The following SETX variants were observed in gnomAD, a reference collection of about 807,000 sequenced individuals.
SETX encodes the protein helicase senataxin.
A neutral mutation model predicts 227.2 loss-of-function variants in SETX; 90 were observed. The observed-to-expected ratio is 0.40, with a 90% CI of 0.33 to 0.47. The LOEUF (loss-of-function observed/expected upper bound fraction) is 0.47. Ranked by LOEUF, SETX falls within the 20% of genes least tolerant of loss-of-function variation. The probability of loss-of-function intolerance (pLI) is 0.91; values close to 1 mark genes in which losing one functional copy is unlikely to be tolerated. For missense variants in SETX, 3,052 were observed against 3,181.5 expected (o/e 0.96, Z 0.98); for synonymous variants, 1,210 against 1,113.2 (o/e 1.09, Z -1.73).
intron 10 of SETX, among the ~76,000 whole-genome samples, chr9:132,323,615 AG>A (rs1368049114): frequency 6.6e-6 from 1 of 152,204 alleles, no homozygotes; most frequent in Non-Finnish European, 1.5e-5. Context: ...GAAATATGGA[AG>A]GAAGGCCAGG....
At position 132,346,253 on chromosome 9, in the gene SETX, A is replaced by C. The variant is rs781259674; in HGVS notation, c.388+8T>G. ...TGATATAACTTGAGGAACCATCAAG[A>C]TACTCACTAACACGTTCATGTAGAA... On this transcript the variant is annotated splice_region_variant and intron_variant, in intron 4 of 25. Transcript: ENST00000224140. 4 of 1,598,444 alleles carry C rather than the reference A, an allele frequency of 2.5e-6. No homozygotes were observed. The highest frequency in any genetic ancestry group is 3.4e-6 in the Non-Finnish European group (4 of 1,165,944).
intron 10 of SETX, among the ~76,000 whole-genome samples, chr9:132,312,589 T>C (rs1048248170): frequency 2.6e-5 from 4 of 152,238 alleles, no homozygotes; most frequent in African/African-American, 4.8e-5. Flanking sequence ...TCAAAGACTA[T>C]TGGTGTTGAA....
intron 11 of SETX, among the ~76,000 whole-genome samples, chr9:132,306,703 T>TTTAA: frequency 6.6e-6 from 1 of 152,230 alleles, no homozygotes; most frequent in Middle Eastern, 3.4e-3. Context: ...GTTCTATCAG[T>TTTAA]TTTATTTATT....
intron 8 of SETX, 58 bp downstream of exon 8, chr9:132,331,219 G>C: frequency 6.2e-7 from 1 of 1,608,468 alleles, no homozygotes. Flanking sequence ...AAGTAATCTA[G>C]CTGGAACACA....
chr9:132,300,045 G>C (rs528197524), intron 12 of SETX, among the ~76,000 whole-genome samples: 4 of 144,818 alleles, frequency 2.8e-5, no homozygotes, highest in Non-Finnish European at 4.5e-5. Flanking sequence ...CAGGAGAATC[G>C]CTTGAACCCA....
At position 132,323,357 on chromosome 9, in the gene SETX, A is replaced by G. The variant is rs1214164091; in HGVS notation, c.5274+2967T>C. ...CATATAAAACAATAAATCCAAGGAA[A>G]ACACAGAGTTTGGAAGGAAATGGAA... On this transcript the variant is annotated intron_variant, in intron 10 of 25. Transcript: ENST00000224140. Among the ~76,000 whole-genome samples, 3 of 152,262 alleles carry G rather than the reference A, an allele frequency of 2.0e-5. No individual in the cohort carries two copies. In the East Asian group the frequency reaches 5.8e-4, roughly 29 times the overall value.
intron 5 of SETX, among the ~76,000 whole-genome samples, 177 bp from the exon 6 acceptor site, chr9:132,336,692 T>C (rs954684705): frequency 6.6e-6 from 1 of 152,160 alleles, no homozygotes; most frequent in Admixed American, 6.5e-5. Context: ...TAATAAACAG[T>C]TTTAGACAAT....
In SETX at chr9:132,328,543, A is replaced by C. The variant is rs1219205322; in HGVS notation, c.3055T>G (p.Ser1019Ala). ...ATTCTTTCATCATCATCATCATCAG[A>C]ATCTGAAATAATAATAACCTGTCCA... Reference protein sequence around the residue: ...SRGQVIIISDSDDDDDERILS... With the variant: ...SRGQVIIISDADDDDDERILS... The change falls in exon 10 of 26, where the codon TCT becomes GCT. Residue 1019 changes from serine to alanine, a missense_variant. This residue lies in a region of SETX where 1,483 missense variants were observed against 1,312.0 expected (regional missense o/e 1.13). Coordinates refer to ENST00000224140, the MANE Select transcript of SETX (RefSeq NM_015046.7). 9.9e-6 allele frequency: 16 copies of C among 1,613,922 alleles called. No individual in the cohort carries two copies. The highest frequency in any genetic ancestry group is 1.4e-5 in the Non-Finnish European group (16 of 1,179,964).
chr9:132,309,043 C>T (rs992685483), intron 11 of SETX, among the ~76,000 whole-genome samples: 3 of 152,090 alleles, frequency 2.0e-5, no homozygotes, highest in African/African-American at 4.8e-5. Context: ...GAGGTTGAGG[C>T]AGGAGAATTG....
At chr9:132,268,042 A>G (rs1268987313) in intron 25 of SETX, among the ~76,000 whole-genome samples, 2 of 152,252 alleles carry the variant, frequency 1.3e-5, no homozygotes, top group African/African-American at 2.4e-5. Context: ...GATATTAAAT[A>G]TATTTGTCTT....
chr9:132,275,447 A>C lies in SETX; in HGVS notation c.6936-27T>G, dbSNP rs2296866. The C allele has an allele frequency of 0.029, 45,535 of 1,576,564 alleles. 1,480 individuals carry two copies. The highest frequency in any genetic ancestry group is 0.19 in the East Asian group (8,368 of 44,494). ...TAAACAAGATGGAAAAAGAAAACAC[A>C]GTGTTATCAAAACTAATAGCAGGCT... On this transcript the variant is annotated intron_variant, in intron 22 of 25. Transcript: ENST00000224140.
chr9:132,325,501 A>G (rs1474801405), intron 10 of SETX, among the ~76,000 whole-genome samples: 1 of 152,252 alleles, frequency 6.6e-6, no homozygotes, highest in Admixed American at 6.5e-5. Flanking sequence ...ACTTAAAAAC[A>G]AAACAAATGC....
chr9:132,328,011 T>C lies in SETX; in HGVS notation c.3587A>G (p.Asn1196Ser), dbSNP rs376381668. ...SDTNKRDLVG[N>S]DFKSIDRRTS... ...CCTTCTATCAATACTTTTAAAATCA[T>C]TTCCCACAAGATCTCTCTTATTAGT... Residue 1196 changes from asparagine to serine, a missense_variant, in exon 10 of 26, where the codon AAT becomes AGT. By Grantham distance (46) the Asn-to-Ser change is conservative (BLOSUM62 1). This residue lies in a region of SETX where 1,483 missense variants were observed against 1,312.0 expected (regional missense o/e 1.13). Coordinates refer to ENST00000224140, the MANE Select transcript of SETX (RefSeq NM_015046.7). 35 of 1,613,848 alleles carry C rather than the reference T, an allele frequency of 2.2e-5. No homozygotes were observed. The highest frequency in any genetic ancestry group is 2.7e-5 in the Non-Finnish European group (32 of 1,179,966).
At chr9:132,331,667 G>A (rs1402296912) in intron 7 of SETX, among the ~76,000 whole-genome samples, 2 of 144,740 alleles carry the variant, frequency 1.4e-5, no homozygotes, top group Non-Finnish European at 3.0e-5. Context: ...ACTATGATAC[G>A]TCTGTAAAAA....
At chr9:132,316,045 T>C (rs576808807) in intron 10 of SETX, among the ~76,000 whole-genome samples, 1 of 152,252 alleles carries the variant, frequency 6.6e-6, no homozygotes, top group Non-Finnish European at 1.5e-5. Flanking sequence ...GGCTTCATTT[T>C]ACTCATCCAT....
chr9:132,317,844 T>C (rs1343163018), intron 10 of SETX, among the ~76,000 whole-genome samples: 1 of 152,158 alleles, frequency 6.6e-6, no homozygotes, highest in Non-Finnish European at 1.5e-5. Flanking sequence ...AACTTATGAT[T>C]TTAAATACAT....
At chr9:132,286,278 C>A in intron 18 of SETX, 145 bp downstream of exon 18, 3 of 641,454 alleles carry the variant, frequency 4.7e-6, no homozygotes, top group Non-Finnish European at 8.0e-6. Flanking sequence ...TGAGATCATG[C>A]CACTGCACCC....
rs1179084756 is a variant in SETX at position 132,328,421 on chromosome 9, C to A, written c.3177G>T (p.Lys1059Asn). The A allele has an allele frequency of 1.7e-5, 27 of 1,613,806 alleles. No individual in the cohort carries two copies. Among genetic ancestry groups the A allele is most frequent in the Non-Finnish European group, 2.2e-5 (26 of 1,180,002 alleles). The change falls in exon 10 of 26, where the codon AAG (lysine) becomes AAT (asparagine). Residue 1059 changes from lysine (K) to asparagine (N), a missense_variant. Lys to Asn is a moderately conservative substitution (Grantham distance 94, BLOSUM62 0). This residue lies in a region of SETX where 1,483 missense variants were observed against 1,312.0 expected (regional missense o/e 1.13). Coordinates refer to ENST00000224140, the MANE Select transcript of SETX (RefSeq NM_015046.7). ...CTGTCTTTTCTTCCTTTACTGGATTCTTTTCCTCCTTACTATTAACTGTTG... is the reference window on the plus strand; with the variant it reads ...CTGTCTTTTCTTCCTTTACTGGATTATTTTCCTCCTTACTATTAACTGTTG... ...HVSTVNSKEE[K>N]NPVKEEKTET...
chr9:132,265,726 G>A (rs1055525809), intron 25 of SETX, among the ~76,000 whole-genome samples: 3 of 152,156 alleles, frequency 2.0e-5, no homozygotes, highest in East Asian at 1.9e-4. Flanking sequence ...AAACATTTCC[G>A]TTATCACAGA....
Sources: allele counts gnomAD v4.1 joint callset (sites outside exome capture counted in the v4.1 genomes callset), GRCh38; gene constraint gnomAD v4.1.1; regional missense constraint gnomAD v4.1.1; transcripts MANE v1.5; gene names NCBI Gene and HGNC (gene_info 2026-07-23, HGNC 2026-07-21).